The following IGFBP7 variants were observed in gnomAD, a reference collection of about 807,000 sequenced individuals.
The protein encoded by IGFBP7 is insulin-like growth factor-binding protein 7.
IGFBP7 carries 31 observed loss-of-function variants against 29.4 expected under a neutral mutation model. The ratio of observed to expected loss-of-function variants is 1.05; its 90% CI spans 0.79 to 1.42. The LOEUF is 1.42. Ranked by LOEUF, IGFBP7 falls within the 40% of genes most tolerant of loss-of-function variation. IGFBP7 has a pLI of 0.00. For missense variants in IGFBP7, 393 were observed against 395.5 expected (o/e 0.99, Z 0.05); for synonymous variants, 172 against 174.9 (o/e 0.98, Z 0.13).
chr4:57,079,747 G>A (rs7682057), intron 1 of IGFBP7, among the ~76,000 whole-genome samples: 2,749 of 152,202 alleles, frequency 0.018, 78 homozygotes, highest in African/African-American at 0.064. Flanking sequence ...ATCTAACAGC[G>A]CTTTTCCTAT....
At chr4:57,073,561 A>T (rs376051702) in intron 1 of IGFBP7, among the ~76,000 whole-genome samples, 15 of 151,160 alleles carry the variant, frequency 9.9e-5, no homozygotes, top group African/African-American at 3.6e-4. Context: ...CTGCCAGTGC[A>T]CTCCAGCATG....
chr4:57,034,108 CAA>C (rs1266519583), intron 2 of IGFBP7, among the ~76,000 whole-genome samples: 1 of 146,824 alleles, frequency 6.8e-6, no homozygotes, highest in Non-Finnish European at 1.5e-5. Flanking sequence ...TCTTTTATGA[CAA>C]AACTTGCTGA....
chr4:57,103,473 T>C (rs576501349), intron 1 of IGFBP7, among the ~76,000 whole-genome samples: 3 of 152,214 alleles, frequency 2.0e-5, no homozygotes, highest in African/African-American at 7.2e-5. Flanking sequence ...CTTAAAAAAT[T>C]GTTTTAACTG....
chr4:57,051,993 C>T lies in IGFBP7; in HGVS notation c.476-11060G>A, dbSNP rs543288958. ...TGCGGGCCAGCTCGGGAAGAGGATT[C>T]GTGTGTGGTGTAGGGCACAGCAGAA... On this transcript the variant is annotated intron_variant, in intron 1 of 4. Coordinates refer to ENST00000295666, the MANE Select transcript of IGFBP7 (RefSeq NM_001553.3). Among the ~76,000 whole-genome samples the T allele has an allele frequency of 4.8e-4, 73 of 152,228 alleles. No homozygotes were observed. The South Asian group carries it at 0.013, about 27-fold the overall frequency.
At chr4:57,093,448 G>A (rs1421908283) in intron 1 of IGFBP7, among the ~76,000 whole-genome samples, 3 of 151,376 alleles carry the variant, frequency 2.0e-5, no homozygotes, top group Non-Finnish European at 2.9e-5. Flanking sequence ...TGCAGTGAGC[G>A]GAGATCACAC....
chr4:57,067,332 T>C (rs1292233163), intron 1 of IGFBP7, among the ~76,000 whole-genome samples: 1 of 152,222 alleles, frequency 6.6e-6, no homozygotes, highest in Non-Finnish European at 1.5e-5. Context: ...CAAGGGATTT[T>C]TTTTTGTTAG....
chr4:57,062,846 C>T (rs1724831217), intron 1 of IGFBP7, among the ~76,000 whole-genome samples: 2 of 152,302 alleles, frequency 1.3e-5, no homozygotes, highest in South Asian at 4.1e-4. Flanking sequence ...AATGTTTTCT[C>T]TCTGGGATTT....
chr4:57,084,156 G>T (rs530711636), intron 1 of IGFBP7, among the ~76,000 whole-genome samples: 1 of 152,040 alleles, frequency 6.6e-6, no homozygotes, highest in African/African-American at 2.4e-5. Flanking sequence ...AATTTTGTTC[G>T]CATTTTTGCT....
At chr4:57,033,059 C>T in intron 3 of IGFBP7, 136 bp downstream of exon 3, 1 of 755,246 alleles carries the variant, frequency 1.3e-6, no homozygotes, top group South Asian at 1.4e-5. Flanking sequence ...GCAGCGACTC[C>T]ATGGTAAGGC....
chr4:57,051,917 A>G, intron 1 of IGFBP7, among the ~76,000 whole-genome samples: 1 of 152,130 alleles, frequency 6.6e-6, no homozygotes, highest in East Asian at 1.9e-4. Context: ...AAAGACAGGG[A>G]CCTGCCTGAG....
At chr4:57,087,622 G>C (rs1725529119) in intron 1 of IGFBP7, among the ~76,000 whole-genome samples, 1 of 152,236 alleles carries the variant, frequency 6.6e-6, no homozygotes, top group Admixed American at 6.5e-5. Context: ...GGTTATATCA[G>C]TTAACTGACT....
At chr4:57,035,763 T>A (rs1341409860) in intron 2 of IGFBP7, among the ~76,000 whole-genome samples, 1 of 152,192 alleles carries the variant, frequency 6.6e-6, no homozygotes, top group Non-Finnish European at 1.5e-5. Context: ...GCCTGGCCAA[T>A]AAATATGTGT....
chr4:57,081,185 G>A (rs1578639682), intron 1 of IGFBP7, among the ~76,000 whole-genome samples: 1 of 152,130 alleles, frequency 6.6e-6, no homozygotes, highest in Non-Finnish European at 1.5e-5. Context: ...CAGGGAAAGT[G>A]CCTCTAATGA....
intron 1 of IGFBP7, among the ~76,000 whole-genome samples, chr4:57,099,697 G>T (rs544297719): frequency 6.6e-6 from 1 of 152,308 alleles, no homozygotes; most frequent in East Asian, 1.9e-4. Flanking sequence ...GATCCTTCAA[G>T]AACCTCTGGA....
intron 1 of IGFBP7, among the ~76,000 whole-genome samples, chr4:57,108,307 T>C (rs1726085352): frequency 6.6e-6 from 1 of 152,150 alleles, no homozygotes; most frequent in African/African-American, 2.4e-5. Context: ...AAAGAAAGAA[T>C]TTGGAAATTC....
chr4:57,077,874 C>G (rs1295688270), intron 1 of IGFBP7, among the ~76,000 whole-genome samples: 1 of 152,176 alleles, frequency 6.6e-6, no homozygotes, highest in Non-Finnish European at 1.5e-5. Context: ...GCACTCAGGC[C>G]TCGTGGAGTG....
chr4:57,080,300 T>C (rs903652572), intron 1 of IGFBP7, among the ~76,000 whole-genome samples: 13 of 152,210 alleles, frequency 8.5e-5, no homozygotes, highest in African/African-American at 3.1e-4. Context: ...TAAAATGAGA[T>C]AATTTCTCTA....
At position 57,030,957 on chromosome 4, in the gene IGFBP7, T is replaced by C; in HGVS notation, c.*360A>G. On this transcript the variant is annotated 3_prime_UTR_variant, in exon 5 of 5. Coordinates refer to ENST00000295666, the MANE Select transcript of IGFBP7 (RefSeq NM_001553.3). ...CTATTGTTTCAGGAACTTATGTCTATGAGTATTGCACCGCGAATGATGAGT... is the reference window on the plus strand; with the variant it reads ...CTATTGTTTCAGGAACTTATGTCTACGAGTATTGCACCGCGAATGATGAGT... The C allele has an allele frequency of 6.2e-7, 1 of 1,601,450 alleles. No homozygotes were observed. The highest frequency in any genetic ancestry group is 8.6e-7 in the Non-Finnish European group (1 of 1,168,422).
At chr4:57,032,258 CTT>C (rs889895676) in intron 4 of IGFBP7, 166 bp downstream of exon 4, 1 of 1,417,310 alleles carries the variant, frequency 7.1e-7, no homozygotes, top group Admixed American at 3.0e-5. Context: ...TCCAGATAAT[CTT>C]TTGGAGTCTC....
Sources: gnomAD v4.1 joint callset for allele counts (sites outside exome capture counted in the v4.1 genomes callset) on GRCh38, gnomAD v4.1.1 for gene constraint, MANE v1.5 for transcripts, NCBI Gene and HGNC (gene_info 2026-07-23, HGNC 2026-07-21) for gene names.